NRG3: variants seen among roughly 807,000 people sequenced by gnomAD.
The protein encoded by NRG3 is neuregulin 3.
NRG3 carries 31 observed loss-of-function variants against 66.9 expected under a neutral mutation model. That is an observed-to-expected ratio of 0.46 (90% CI 0.35 to 0.63). The LOEUF is 0.63. Ranked by LOEUF, NRG3 falls within the 20% of genes least tolerant of loss-of-function variation. NRG3 has a pLI of 0.00. For synonymous variants in NRG3, 393 were observed against 359.4 expected, an observed-to-expected ratio of 1.09 and a Z score of -1.06; for missense variants, 910 against 878.9, an observed-to-expected ratio of 1.04 and a Z score of -0.45.
intron 2 of NRG3, among the ~76,000 whole-genome samples, chr10:82,570,626 G>A (rs1273002772): frequency 6.6e-6 from 1 of 151,508 alleles, no homozygotes; most frequent in Non-Finnish European, 1.5e-5. Context: ...TAATGGGCAT[G>A]ATTTGACCTT....
chr10:81,938,498 G>A (rs1343989456), intron 1 of NRG3, among the ~76,000 whole-genome samples: 1 of 151,358 alleles, frequency 6.6e-6, no homozygotes, highest in Non-Finnish European at 1.5e-5. Flanking sequence ...TATTGTAAAT[G>A]GAATTGTTTT....
chr10:82,928,902 A>G (rs1847280810), intron 4 of NRG3, among the ~76,000 whole-genome samples: 1 of 152,110 alleles, frequency 6.6e-6, no homozygotes, highest in African/African-American at 2.4e-5. Context: ...TGTTGCCTAT[A>G]TTGCATAGCT....
intron 1 of NRG3, among the ~76,000 whole-genome samples, chr10:82,115,179 G>A (rs896068510): frequency 6.6e-6 from 1 of 152,038 alleles, no homozygotes; most frequent in Admixed American, 6.6e-5. Context: ...AGTCCTTGCT[G>A]ACCTTCTGTA....
rs967768377 is a variant in NRG3 at position 82,568,004 on chromosome 10, C to T, written c.954-170573C>T. Among the ~76,000 whole-genome samples, 5 of 151,834 alleles carry T rather than the reference C, an allele frequency of 3.3e-5. No individual in the cohort carries two copies. In the South Asian group the frequency reaches 8.3e-4, roughly 25 times the overall value. ...CCCTGTAACCTTGGACTTTTCTTAGCCTTTCTCCTTAGTTTTGTCATTTCT... is the reference window on the plus strand; with the variant it reads ...CCCTGTAACCTTGGACTTTTCTTAGTCTTTCTCCTTAGTTTTGTCATTTCT... On this transcript the variant is annotated intron_variant, in intron 2 of 8. Transcript: ENST00000372141.
chr10:82,319,193 C>G (rs1397752041), intron 1 of NRG3, among the ~76,000 whole-genome samples: 2 of 152,242 alleles, frequency 1.3e-5, no homozygotes. Flanking sequence ...GCACACAGAG[C>G]TGGCCCTGCA....
intron 1 of NRG3, among the ~76,000 whole-genome samples, chr10:82,185,501 G>A (rs2073747187): frequency 6.6e-6 from 1 of 152,134 alleles, no homozygotes; most frequent in African/African-American, 2.4e-5. Context: ...TGTTGATAGT[G>A]AAAACAATTC....
chr10:82,309,488 C>G (rs1422022865), intron 1 of NRG3, among the ~76,000 whole-genome samples: 2 of 151,710 alleles, frequency 1.3e-5, no homozygotes, highest in Non-Finnish European at 2.9e-5. Context: ...AATAGGTTTA[C>G]AGTCTCTTAA....
intron 4 of NRG3, among the ~76,000 whole-genome samples, chr10:82,909,525 G>A (rs1201855519): frequency 6.6e-6 from 1 of 152,032 alleles, no homozygotes. Flanking sequence ...GACCCTCCAA[G>A]TACCATTCAC....
At position 82,337,113 on chromosome 10, in the gene NRG3, C is replaced by T. The variant is rs528903253; in HGVS notation, c.824-21626C>T. 2.0e-5 allele frequency among the ~76,000 whole-genome samples: 3 copies of T among 152,134 alleles called. No individual in the cohort carries two copies. The South Asian group carries it at 6.2e-4, about 32-fold the overall frequency. On this transcript the variant is annotated intron_variant, in intron 1 of 8. Coordinates refer to ENST00000372141, the MANE Select transcript of NRG3 (RefSeq NM_001010848.4). ...CTTTTACTTCTTACTAAACTGGAAACATAAAAAAGGGTTTATAGGAAACCA... is the reference window on the plus strand; with the variant it reads ...CTTTTACTTCTTACTAAACTGGAAATATAAAAAAGGGTTTATAGGAAACCA...
At chr10:82,962,332 C>G (rs1403719924) in intron 6 of NRG3, among the ~76,000 whole-genome samples, 2 of 152,092 alleles carry the variant, frequency 1.3e-5, no homozygotes, top group African/African-American at 4.8e-5. Flanking sequence ...GTTTAGGGAT[C>G]AGAAAAGAAA....
rs912452294 is a variant in NRG3 at position 82,461,035 on chromosome 10, G to A, written c.953+102167G>A. Among the ~76,000 whole-genome samples the A allele has an allele frequency of 3.4e-5, 5 of 149,202 alleles. No individual in the cohort carries two copies. The Middle Eastern group carries it at 0.011, about 322-fold the overall frequency. ...CTGCCACCACCATCAACAATACCAC[G>A]ACTGCTACCACCGTCAACAATATCA... On this transcript the variant is annotated intron_variant, in intron 2 of 8. Coordinates refer to ENST00000372141, the MANE Select transcript of NRG3 (RefSeq NM_001010848.4).
At chr10:82,014,936 G>A (rs2061721801) in intron 1 of NRG3, among the ~76,000 whole-genome samples, 1 of 152,166 alleles carries the variant, frequency 6.6e-6, no homozygotes, top group African/African-American at 2.4e-5. Context: ...AAAGAAAGAT[G>A]TGGTCTAAGG....
chr10:82,404,833 C>CTG (rs2087380223), intron 2 of NRG3, among the ~76,000 whole-genome samples: 1 of 152,132 alleles, frequency 6.6e-6, no homozygotes, highest in African/African-American at 2.4e-5. Flanking sequence ...ATTAGCTGGT[C>CTG]TGAGAGCACC....
At chr10:82,489,656 A>C (rs193194972) in intron 2 of NRG3, among the ~76,000 whole-genome samples, 111 of 152,322 alleles carry the variant, frequency 7.3e-4, no homozygotes, top group African/African-American at 2.6e-3. Flanking sequence ...ATTTTAGAGA[A>C]TTTGGATCTT....
intron 2 of NRG3, among the ~76,000 whole-genome samples, chr10:82,404,746 C>A (rs1344041554): frequency 6.6e-6 from 1 of 152,082 alleles, no homozygotes; most frequent in Non-Finnish European, 1.5e-5. Context: ...TACAGTTAAT[C>A]TTATGGGGTC....
chr10:82,425,505 T>C (rs2089368398), intron 2 of NRG3, among the ~76,000 whole-genome samples: 1 of 152,128 alleles, frequency 6.6e-6, no homozygotes, highest in African/African-American at 2.4e-5. Flanking sequence ...AAATTAATCA[T>C]AGTTATTTTA....
chr10:82,303,672 A>G (rs1181375499), intron 1 of NRG3, among the ~76,000 whole-genome samples: 1 of 152,136 alleles, frequency 6.6e-6, no homozygotes, highest in Non-Finnish European at 1.5e-5. Flanking sequence ...GTTCAAGACC[A>G]GCATGGCCAA....
chr10:82,705,772 T>G (rs2056245923), intron 2 of NRG3, among the ~76,000 whole-genome samples: 1 of 152,164 alleles, frequency 6.6e-6, no homozygotes. Context: ...GATCCACCCA[T>G]GTTAAAGTGT....
intron 2 of NRG3, among the ~76,000 whole-genome samples, chr10:82,658,620 A>T (rs1591053881): frequency 1.3e-5 from 2 of 152,136 alleles, no homozygotes; most frequent in Admixed American, 1.3e-4. Context: ...AAAAATACAA[A>T]CTAATCTATA....
Sources: gnomAD v4.1 joint callset for allele counts (sites outside exome capture counted in the v4.1 genomes callset) on GRCh38, gnomAD v4.1.1 for gene constraint, MANE v1.5 for transcripts, NCBI Gene and HGNC (gene_info 2026-07-23, HGNC 2026-07-21) for gene names.